The following LSAMP variants were observed in gnomAD, a reference collection of about 807,000 sequenced individuals.
LSAMP encodes limbic system associated membrane protein.
LSAMP carries 7 observed loss-of-function variants against 38.6 expected under a neutral mutation model. That is an observed-to-expected ratio of 0.18 (90% CI 0.10 to 0.34). The LOEUF is 0.34. LSAMP is among the 10% of genes least tolerant of loss of function. The probability of loss-of-function intolerance (pLI) is 1.00; values close to 1 mark genes in which losing one functional copy is unlikely to be tolerated. For missense variants in LSAMP, 313 were observed against 420.0 expected, an observed-to-expected ratio of 0.75 and a Z score of 2.23; for synonymous variants, 154 against 166.8, an observed-to-expected ratio of 0.92 and a Z score of 0.59.
rs919497232 is a variant in LSAMP, at chr3:116,288,350, T to C, written c.155+156527A>G. On this transcript the variant is annotated intron_variant, in intron 1 of 6. Coordinates refer to ENST00000490035, the MANE Select transcript of LSAMP (RefSeq NM_002338.5). ...AGATGAGAGAAGGTATCGTTAATTGTGGGTAACACAGAACAGTTGTTAGAG... is the reference window on the plus strand; with the variant it reads ...AGATGAGAGAAGGTATCGTTAATTGCGGGTAACACAGAACAGTTGTTAGAG... Among the ~76,000 whole-genome samples the C allele has an allele frequency of 6.6e-5, 10 of 152,296 alleles. No homozygotes were observed. The South Asian group carries it at 8.3e-4, about 13-fold the overall frequency.
intron 1 of LSAMP, among the ~76,000 whole-genome samples, chr3:116,299,966 A>G (rs35522204): frequency 0.062 from 9,458 of 152,238 alleles, 592 homozygotes; most frequent in East Asian, 0.36. Flanking sequence ...AAAAGGCTTC[A>G]CTTAGGCCTA....
intron 1 of LSAMP, among the ~76,000 whole-genome samples, chr3:116,204,162 C>A (rs2046030954): frequency 6.6e-6 from 1 of 152,024 alleles, no homozygotes; most frequent in Non-Finnish European, 1.5e-5. Context: ...TGATGATGAG[C>A]ATTTTTTCAT....
intron 6 of LSAMP, among the ~76,000 whole-genome samples, chr3:115,839,262 TTTCCTTC>T (rs1934909353): frequency 1.3e-5 from 1 of 78,630 alleles, no homozygotes; most frequent in South Asian, 5.3e-4. Context: ...TCCTTCTTTC[TTTCCTTC>T]CTTCCTTCCT....
At chr3:116,282,762 A>AC (rs758055006) in intron 1 of LSAMP, among the ~76,000 whole-genome samples, 1 of 146,394 alleles carries the variant, frequency 6.8e-6, no homozygotes, top group Admixed American at 6.9e-5. Flanking sequence ...TACTCCCCCC[A>AC]CCCCCCAAAA....
At chr3:116,303,210 C>A (rs1250135745) in intron 1 of LSAMP, among the ~76,000 whole-genome samples, 2 of 152,070 alleles carry the variant, frequency 1.3e-5, no homozygotes, top group Admixed American at 1.3e-4. Context: ...ATTAAGCAAA[C>A]AACAGAAGTC....
At chr3:116,184,721 A>C (rs1049125165) in intron 1 of LSAMP, among the ~76,000 whole-genome samples, 1 of 151,844 alleles carries the variant, frequency 6.6e-6, no homozygotes, top group Non-Finnish European at 1.5e-5. Context: ...ATATATTTTT[A>C]GTGCCTTTTA....
intron 1 of LSAMP, among the ~76,000 whole-genome samples, chr3:116,305,719 A>G (rs1345401186): frequency 1.3e-5 from 2 of 152,050 alleles, no homozygotes; most frequent in African/African-American, 2.4e-5. Context: ...AATTGCACTC[A>G]TAATATTTTG....
chr3:116,151,735 C>A (rs1371242104), intron 1 of LSAMP, among the ~76,000 whole-genome samples: 1 of 151,988 alleles, frequency 6.6e-6, no homozygotes, highest in African/African-American at 2.4e-5. Context: ...ACCAACTTTC[C>A]TCAAAGGAGC....
chr3:116,126,425 G>A (rs1032228145), intron 1 of LSAMP, among the ~76,000 whole-genome samples: 1 of 152,210 alleles, frequency 6.6e-6, no homozygotes, highest in African/African-American at 2.4e-5. Context: ...GTGTTGATTC[G>A]AGACCTAATG....
rs138448331 is a variant in LSAMP, at chr3:115,839,035, C to G, written c.919+2810G>C. Among the ~76,000 whole-genome samples, 81 of 152,274 alleles carry G rather than the reference C, an allele frequency of 5.3e-4. 1 individual carries two copies. Among genetic ancestry groups the G allele is most frequent in the African/African-American group, 1.9e-3 (79 of 41,554 alleles). On this transcript the variant is annotated intron_variant, in intron 6 of 6. Transcript: ENST00000490035. ...GCACCCCGCTGCCCACACAGTGCTTCCGTCAGGGCCGTGGCCACAGACACC... is the reference window on the plus strand; with the variant it reads ...GCACCCCGCTGCCCACACAGTGCTTGCGTCAGGGCCGTGGCCACAGACACC...
intron 1 of LSAMP, among the ~76,000 whole-genome samples, chr3:116,218,465 T>C (rs73140970): frequency 0.058 from 8,819 of 152,210 alleles, 357 homozygotes; most frequent in Non-Finnish European, 0.086. Context: ...CACCACTGAA[T>C]TTCCATTTTC....
intron 1 of LSAMP, among the ~76,000 whole-genome samples, chr3:116,424,459 G>GA (rs1296470824): frequency 1.3e-5 from 2 of 151,700 alleles, no homozygotes; most frequent in Non-Finnish European, 1.5e-5. Flanking sequence ...ATTATTGATG[G>GA]AAAAAAAATC....
chr3:116,367,238 G>T (rs1409261932), intron 1 of LSAMP, among the ~76,000 whole-genome samples: 2 of 152,110 alleles, frequency 1.3e-5, no homozygotes, highest in Admixed American at 6.5e-5. Context: ...CTTCAAATTA[G>T]TATCAGTGTT....
chr3:116,064,132 T>A (rs955212719), intron 2 of LSAMP, among the ~76,000 whole-genome samples: 1 of 152,220 alleles, frequency 6.6e-6, no homozygotes, highest in South Asian at 2.1e-4. Context: ...AACCTCTTCC[T>A]CTTTAACATC....
At chr3:116,109,211 C>A (rs1305004612) in intron 1 of LSAMP, among the ~76,000 whole-genome samples, 1 of 152,084 alleles carries the variant, frequency 6.6e-6, no homozygotes, top group African/African-American at 2.4e-5. Context: ...CTCCAGCCAC[C>A]TTTTTAAGAG....
intron 2 of LSAMP, among the ~76,000 whole-genome samples, chr3:116,036,065 T>C (rs953373201): frequency 6.6e-6 from 1 of 152,166 alleles, no homozygotes; most frequent in African/African-American, 2.4e-5. Flanking sequence ...TGAACTGGAC[T>C]ACATGAGCAA....
At chr3:115,883,120 A>C (rs1456211294) in intron 3 of LSAMP, among the ~76,000 whole-genome samples, 2 of 152,086 alleles carry the variant, frequency 1.3e-5, no homozygotes, top group African/African-American at 4.8e-5. Flanking sequence ...AGCATTATTT[A>C]TATTTTTCTC....
chr3:116,210,484 C>A (rs1188706095), intron 1 of LSAMP, among the ~76,000 whole-genome samples: 1 of 152,232 alleles, frequency 6.6e-6, no homozygotes, highest in Non-Finnish European at 1.5e-5. Context: ...CTTTTGGACT[C>A]TTGAACTTAC....
chr3:116,018,899 A>G (rs1559922323), intron 3 of LSAMP, among the ~76,000 whole-genome samples: 1 of 152,166 alleles, frequency 6.6e-6, no homozygotes, highest in Admixed American at 6.6e-5. Flanking sequence ...AGCTTAGTCC[A>G]TGTCTGATGC....
Sources: allele counts gnomAD v4.1 joint callset (sites outside exome capture counted in the v4.1 genomes callset), GRCh38; gene constraint gnomAD v4.1.1; transcripts MANE v1.5; gene names NCBI Gene and HGNC (gene_info 2026-07-23, HGNC 2026-07-21).